The following TBC1D5 variants were observed in gnomAD, a reference collection of about 807,000 sequenced individuals.
TBC1D5 encodes TBC1 domain family, member 5.
TBC1D5 carries 75 observed loss-of-function variants against 100.3 expected under a neutral mutation model. The observed-to-expected ratio is 0.75, with a 90% CI of 0.62 to 0.91. TBC1D5 has a LOEUF of 0.91. Ranked by LOEUF, TBC1D5 falls within the 40% of genes least tolerant of loss-of-function variation. The probability of loss-of-function intolerance (pLI) is 0.00; values close to 1 mark genes in which losing one functional copy is unlikely to be tolerated. For synonymous variants in TBC1D5, 323 were observed against 325.6 expected, an observed-to-expected ratio of 0.99 and a Z score of 0.09; for missense variants, 910 against 942.4, an observed-to-expected ratio of 0.97 and a Z score of 0.45.
At chr3:17,161,236 C>A (rs1324315159) in exon 22 of TBC1D5, 5 of 1,612,484 alleles carry the variant, frequency 3.1e-6, no homozygotes, top group Non-Finnish European at 3.4e-6. Flanking sequence ...TATCAGTGCA[C>A]CCTGGCGTTT....
In TBC1D5 at chr3:17,357,514, C is replaced by T. The variant is rs17043486; in HGVS notation, c.995+14561G>A. Among the ~76,000 whole-genome samples, 9 of 151,940 alleles carry T rather than the reference C, an allele frequency of 5.9e-5. No individual in the cohort carries two copies. In the East Asian group the frequency reaches 1.5e-3, roughly 26 times the overall value. ...GGCCTTCCTGCCTAGAGGTGATCGACGTAGAGAAAAGGGAGTTACTTATAG... is the reference window on the plus strand; with the variant it reads ...GGCCTTCCTGCCTAGAGGTGATCGATGTAGAGAAAAGGGAGTTACTTATAG... On this transcript the variant is annotated intron_variant, in intron 13 of 21. Coordinates refer to ENST00000253692, the Ensembl canonical transcript of TBC1D5.
intron 17 of TBC1D5, among the ~76,000 whole-genome samples, chr3:17,233,300 CATAAG>C (rs2075574259): frequency 2.0e-5 from 3 of 152,142 alleles, no homozygotes; most frequent in Admixed American, 6.6e-5. Flanking sequence ...AATCGTAGCA[CATAAG>C]ATGTCTATTT....
intron 18 of TBC1D5, among the ~76,000 whole-genome samples, chr3:17,187,102 G>T (rs1220933619): frequency 6.6e-6 from 1 of 152,168 alleles, no homozygotes; most frequent in Non-Finnish European, 1.5e-5. Flanking sequence ...AGAGAAAGAA[G>T]GCTACATCTG....
chr3:17,609,779 T>A (rs2061553983), intron 2 of TBC1D5, among the ~76,000 whole-genome samples: 1 of 152,094 alleles, frequency 6.6e-6, no homozygotes, highest in Admixed American at 6.5e-5. Context: ...ATACACAGCC[T>A]AAAAGGACTT....
At chr3:17,355,395 C>A (rs1399521386) in intron 13 of TBC1D5, among the ~76,000 whole-genome samples, 1 of 151,984 alleles carries the variant, frequency 6.6e-6, no homozygotes. Context: ...AAGTAGAAAA[C>A]AAAACTCAGA....
chr3:17,317,168 A>AT (rs2084797909), intron 13 of TBC1D5, among the ~76,000 whole-genome samples: 2 of 152,230 alleles, frequency 1.3e-5, no homozygotes, highest in Admixed American at 6.5e-5. Flanking sequence ...ATAGCAACAT[A>AT]TAATTAGAAA....
intron 19 of TBC1D5, among the ~76,000 whole-genome samples, chr3:17,179,630 G>A (rs2068215402): frequency 6.6e-6 from 1 of 152,148 alleles, no homozygotes; most frequent in African/African-American, 2.4e-5. Context: ...CACCCTTCCT[G>A]GGCCTTGGCT....
chr3:17,344,896 C>T (rs977721359), intron 13 of TBC1D5, among the ~76,000 whole-genome samples: 5 of 152,076 alleles, frequency 3.3e-5, no homozygotes, highest in Admixed American at 6.5e-5. Context: ...CCCTTCCTTA[C>T]ACCTTATACA....
In TBC1D5 at chr3:17,534,993, C is replaced by G. The variant is rs2096268745; in HGVS notation, c.-35-26388G>C. Among the ~76,000 whole-genome samples the G allele has an allele frequency of 3.3e-5, 5 of 152,084 alleles. No homozygotes were observed. In the South Asian group the frequency reaches 1.0e-3, roughly 32 times the overall value. ...TCTATTTTTTATCCAAATGGAAGCC[C>G]TCAAAGAGAAAGTAAAATGGTAAGT... On this transcript the variant is annotated intron_variant, in intron 2 of 21. Coordinates refer to ENST00000253692, the Ensembl canonical transcript of TBC1D5.
intron 1 of TBC1D5, among the ~76,000 whole-genome samples, chr3:17,716,306 C>T (rs1449662202): frequency 6.6e-6 from 1 of 152,088 alleles, no homozygotes; most frequent in East Asian, 1.9e-4. Flanking sequence ...GAAGTCTTTA[C>T]TCAGCTGCAA....
intron 16 of TBC1D5, among the ~76,000 whole-genome samples, chr3:17,244,494 T>A (rs755775734): frequency 5.3e-5 from 8 of 152,226 alleles, no homozygotes; most frequent in Admixed American, 1.3e-4. Flanking sequence ...CCTATCTTCC[T>A]TCCAAAATCT....
intron 1 of TBC1D5, among the ~76,000 whole-genome samples, chr3:17,728,993 A>T: frequency 7.1e-6 from 1 of 140,690 alleles, no homozygotes; most frequent in Admixed American, 7.7e-5. Context: ...AAGATACAAT[A>T]CTCAAGTGCA....
chr3:17,557,403 C>T (rs142052527), intron 2 of TBC1D5, among the ~76,000 whole-genome samples: 39 of 152,310 alleles, frequency 2.6e-4, no homozygotes, highest in African/African-American at 8.4e-4. Context: ...TGTGCCAATA[C>T]GTCACTCTTC....
chr3:17,277,561 A>T (rs923385285), intron 15 of TBC1D5, among the ~76,000 whole-genome samples: 1 of 152,236 alleles, frequency 6.6e-6, no homozygotes, highest in African/African-American at 2.4e-5. Context: ...TCCAACCATG[A>T]ATGAGTGAGA....
At chr3:17,465,452 C>T (rs975853771) in intron 3 of TBC1D5, 1 of 158,108 alleles carries the variant, frequency 6.3e-6, no homozygotes, top group African/African-American at 2.4e-5. Flanking sequence ...ACTTTGGTTA[C>T]CTATGCACCT....
chr3:17,231,019 AG>A (rs1384504462), intron 17 of TBC1D5, among the ~76,000 whole-genome samples: 5 of 152,146 alleles, frequency 3.3e-5, no homozygotes, highest in African/African-American at 9.7e-5. Flanking sequence ...GTACATGTTC[AG>A]TAGAGACTCA....
chr3:17,373,227 C>A (rs1016564366), intron 12 of TBC1D5, among the ~76,000 whole-genome samples: 1 of 152,138 alleles, frequency 6.6e-6, no homozygotes. Flanking sequence ...ATGCCAACCT[C>A]TGAGCTGGCC....
At chr3:17,724,514 T>G (rs2075963825) in intron 1 of TBC1D5, among the ~76,000 whole-genome samples, 1 of 152,200 alleles carries the variant, frequency 6.6e-6, no homozygotes, top group Admixed American at 6.5e-5. Context: ...GAAGGTAATC[T>G]TTTATTCTCT....
At chr3:17,738,935 T>C (rs547971257) in intron 1 of TBC1D5, among the ~76,000 whole-genome samples, 73 of 152,318 alleles carry the variant, frequency 4.8e-4, no homozygotes, top group Middle Eastern at 6.8e-3. Context: ...ATAAACATTT[T>C]CCTAAACACT....
Sources: allele counts gnomAD v4.1 joint callset (sites outside exome capture counted in the v4.1 genomes callset), GRCh38; gene constraint gnomAD v4.1.1; transcripts MANE v1.5; gene names NCBI Gene and HGNC (gene_info 2026-07-23, HGNC 2026-07-21).